Variants in TOM1L1 observed in about 807,000 individuals in gnomAD.
TOM1L1 encodes the protein target of myb1 like 1 membrane trafficking protein, also known as TOM1-like protein 1.
TOM1L1 carries 64 observed loss-of-function variants against 63.4 expected under a neutral mutation model. The ratio of observed to expected loss-of-function variants is 1.01; its 90% CI spans 0.83 to 1.24. The LOEUF (loss-of-function observed/expected upper bound fraction) is 1.24. TOM1L1 is among the 50% of genes most tolerant of loss of function. The pLI is 0.00. For synonymous variants in TOM1L1, 166 were observed against 194.4 expected, an observed-to-expected ratio of 0.85 and a Z score of 1.22; for missense variants, 536 against 567.0, an observed-to-expected ratio of 0.95 and a Z score of 0.55.
chr17:54,922,344 C>G (rs912814076), intron 7 of TOM1L1, among the ~76,000 whole-genome samples: 1 of 152,160 alleles, frequency 6.6e-6, no homozygotes, highest in Middle Eastern at 3.4e-3. Flanking sequence ...CAGTGGCTTA[C>G]ACCTGTAATC....
intron 8 of TOM1L1, among the ~76,000 whole-genome samples, chr17:54,931,701 G>A (rs2048860996): frequency 6.6e-6 from 1 of 152,150 alleles, no homozygotes; most frequent in Non-Finnish European, 1.5e-5. Context: ...TACTTAGGAG[G>A]CTGAGGTGGG....
intron 7 of TOM1L1, 67 bp from the exon 8 acceptor site, chr17:54,930,006 G>A (rs2048831651): frequency 6.2e-7 from 1 of 1,601,044 alleles, no homozygotes. Flanking sequence ...GCGCAGATTG[G>A]TGAGTCAGAT....
chr17:54,951,150 T>G (rs1898185047), intron 14 of TOM1L1, among the ~76,000 whole-genome samples: 1 of 152,206 alleles, frequency 6.6e-6, no homozygotes, highest in Non-Finnish European at 1.5e-5. Flanking sequence ...TCTTTGGGTT[T>G]GATTAGTTTG....
chr17:54,936,747 C>G lies in TOM1L1; in HGVS notation c.915+38C>G, dbSNP rs766131554. The G allele has an allele frequency of 1.5e-5, 23 of 1,559,560 alleles. No homozygotes were observed. The African/African-American group carries it at 1.7e-4, about 11-fold the overall frequency. On this transcript the variant is annotated intron_variant, in intron 9 of 15. Coordinates refer to ENST00000575882, the MANE Select transcript of TOM1L1 (RefSeq NM_005486.3). ...AAATGTTATAAAATAAACAATTGAA[C>G]ATTTTGCCAATTACAGTGAGAAGCA...
At chr17:54,930,735 A>T (rs2048845108) in intron 8 of TOM1L1, among the ~76,000 whole-genome samples, 1 of 152,078 alleles carries the variant, frequency 6.6e-6, no homozygotes, top group South Asian at 2.1e-4. Flanking sequence ...CCAACTACTC[A>T]GGAGGCTGAG....
chr17:54,934,713 A>ATTTTTTTTTTTTTTTTTTT (rs60173487), intron 8 of TOM1L1, among the ~76,000 whole-genome samples: 1 of 147,416 alleles, frequency 6.8e-6, no homozygotes. Flanking sequence ...AACTAGATGG[A>ATTTTTTTTTTTTTTTTTTT]TTTTTTTTTT....
chr17:54,910,391 G>C (rs1040455932), intron 3 of TOM1L1, among the ~76,000 whole-genome samples: 1 of 152,214 alleles, frequency 6.6e-6, no homozygotes, highest in Non-Finnish European at 1.5e-5. Flanking sequence ...GAGAGGCAGA[G>C]GTTGCAGTGA....
rs553993790 is a variant in TOM1L1 at position 54,951,767 on chromosome 17, G to A, written c.1370+1641G>A. 4 of 152,238 alleles carry A rather than the reference G, an allele frequency of 2.6e-5. No homozygotes were observed. The South Asian group carries it at 6.2e-4, about 24-fold the overall frequency. 9.4% of individuals were successfully genotyped at this position (152,238 alleles called of 1,614,324 possible). ...CCTGAATTTTTACGTGCTAGCTATG[G>A]GCTGGGGTTGAGTAGTAGCTATCTC... On this transcript the variant is annotated intron_variant, in intron 14 of 15. Coordinates refer to ENST00000575882, the MANE Select transcript of TOM1L1 (RefSeq NM_005486.3).
At chr17:54,944,069 T>C (rs1294373806) in intron 11 of TOM1L1, among the ~76,000 whole-genome samples, 1 of 152,180 alleles carries the variant, frequency 6.6e-6, no homozygotes, top group East Asian at 1.9e-4. Flanking sequence ...AGTTATCTTA[T>C]ATATTACTCC....
chr17:54,929,999 C>T (rs753899784), intron 7 of TOM1L1, 74 bp from the exon 8 acceptor site: 22 of 1,590,666 alleles, frequency 1.4e-5, no homozygotes, highest in South Asian at 3.4e-5. Context: ...TAGGTATGCG[C>T]AGATTGGTGA....
intron 7 of TOM1L1, among the ~76,000 whole-genome samples, chr17:54,922,206 T>A (rs1225932076): frequency 6.6e-6 from 1 of 151,886 alleles, no homozygotes; most frequent in Non-Finnish European, 1.5e-5. Flanking sequence ...GGCAGTAGAA[T>A]GGTGTGAACC....
At chr17:54,902,117 CGGGCACAGTTTT>C (rs1171154353) in intron 1 of TOM1L1, among the ~76,000 whole-genome samples, 4 of 152,084 alleles carry the variant, frequency 2.6e-5, no homozygotes, top group African/African-American at 4.8e-5. Flanking sequence ...GTAGAGAAGA[CGGGCACAGTTTT>C]GTGTGGCACC....
chr17:54,913,804 C>T lies in TOM1L1; in HGVS notation c.429C>T (p.Tyr143=). 1 of 1,611,572 alleles carries T rather than the reference C, an allele frequency of 6.2e-7. No individual in the cohort carries two copies. Among genetic ancestry groups the T allele is most frequent in the Non-Finnish European group, 8.5e-7 (1 of 1,178,516 alleles). ...GVDVSEVKEV[Y]LDLVKKGVQF... is the part of the protein sequence containing the mutation. ...ATGTAAGCGAAGTCAAAGAAGTATACCTCGACCTGGTTAAGAAAGGCGTTC... is the reference window on the plus strand; with the variant it reads ...ATGTAAGCGAAGTCAAAGAAGTATATCTCGACCTGGTTAAGAAAGGCGTTC... Residue 143 remains tyrosine (Y), a synonymous_variant, in exon 5 of 16, where the codon TAC becomes TAT. Coordinates refer to ENST00000575882, the MANE Select transcript of TOM1L1 (RefSeq NM_005486.3).
chr17:54,901,443 A>G (rs530538189), intron 1 of TOM1L1, among the ~76,000 whole-genome samples: 1 of 152,206 alleles, frequency 6.6e-6, no homozygotes, highest in Admixed American at 6.5e-5. Context: ...GAGAATGAAA[A>G]TGCTTGGCAT....
chr17:54,919,862 T>G (rs941176102), intron 7 of TOM1L1, among the ~76,000 whole-genome samples: 1 of 152,184 alleles, frequency 6.6e-6, no homozygotes, highest in Non-Finnish European at 1.5e-5. Context: ...CAATTAAGTC[T>G]TCTATGGAGA....
At chr17:54,901,495 C>A (rs890319058) in intron 1 of TOM1L1, among the ~76,000 whole-genome samples, 1 of 152,014 alleles carries the variant, frequency 6.6e-6, no homozygotes, top group African/African-American at 2.4e-5. Flanking sequence ...TCTGGGGCCA[C>A]GGAGGTCTCT....
At position 54,958,748 on chromosome 17, in the gene TOM1L1, A is replaced by AAGG. The variant is rs372776781; in HGVS notation, c.1371-1818_1371-1817insAGG. Among the ~76,000 whole-genome samples, 120 of 118,944 alleles carry AAGG rather than the reference A, an allele frequency of 1.0e-3. 3 individuals are homozygous for AAGG. Among genetic ancestry groups the AAGG allele is most frequent in the Non-Finnish European group, 1.3e-3 (76 of 57,752 alleles). 78.0% of individuals were successfully genotyped at this position (118,944 alleles called of 152,430 possible). ...TCCATCTCAAAAAAAAAAAAAAAAA[A>AAGG]GGGGTTGTTGGTAGCTAGAGGATAC... On this transcript the variant is annotated intron_variant, in intron 14 of 15. Transcript: ENST00000575882.
In TOM1L1 at chr17:54,930,167, T is replaced by G; in HGVS notation, c.815T>G (p.Val272Gly). Residue 272 changes from valine to glycine, a missense_variant, in exon 8 of 16, where the codon GTG becomes GGG. By Grantham distance (109) the Val-to-Gly change is moderately radical (BLOSUM62 -3). Coordinates refer to ENST00000575882, the MANE Select transcript of TOM1L1 (RefSeq NM_005486.3). ...NEDVTVELIQ[V>G]NEDLNNAILG... ...GATGTAACTGTTGAGCTAATTCAGGTGAATGAGGATTTGAATAATGCTATC... is the reference window on the plus strand; with the variant it reads ...GATGTAACTGTTGAGCTAATTCAGGGGAATGAGGATTTGAATAATGCTATC... 3.1e-6 allele frequency: 5 copies of G among 1,614,046 alleles called. No homozygotes were observed. The highest frequency in any genetic ancestry group is 1.3e-5 in the African/African-American group (1 of 75,008).
chr17:54,908,425 G>C (rs188992320), intron 3 of TOM1L1, among the ~76,000 whole-genome samples: 2 of 152,210 alleles, frequency 1.3e-5, no homozygotes, highest in East Asian at 3.9e-4. Context: ...AATTATGAGG[G>C]AAATTAGTCA....
Sources: gnomAD v4.1 joint callset for allele counts (sites outside exome capture counted in the v4.1 genomes callset) on GRCh38, gnomAD v4.1.1 for gene constraint, MANE v1.5 for transcripts, NCBI Gene and HGNC (gene_info 2026-07-23, HGNC 2026-07-21) for gene names.